AGO2: variants seen among roughly 807,000 people sequenced by gnomAD.
AGO2 encodes the protein argonaute RISC catalytic component 2, also known as protein argonaute-2.
Under a neutral mutation model 102.3 loss-of-function variants are expected in AGO2, and 5 were observed. That is an observed-to-expected ratio of 0.05 (90% CI 0.03 to 0.10). The LOEUF (loss-of-function observed/expected upper bound fraction) is 0.10. Ranked by LOEUF, AGO2 falls within the 10% of genes least tolerant of loss-of-function variation. The probability of loss-of-function intolerance (pLI) is 1.00; values close to 1 mark genes in which losing one functional copy is unlikely to be tolerated. For synonymous variants in AGO2, 449 were observed against 473.1 expected (o/e 0.95, Z 0.66); for missense variants, 541 against 1,183.7 (o/e 0.46, Z 7.97).
At chr8:140,580,963 G>C (rs955759477) in intron 2 of AGO2, among the ~76,000 whole-genome samples, 5 of 152,230 alleles carry the variant, frequency 3.3e-5, no homozygotes, top group African/African-American at 1.2e-4. Flanking sequence ...CACAGTCCTG[G>C]AAAGACATCA....
rs375425882 is a variant in AGO2, at chr8:140,544,308, G to A, written c.1749-5C>T. ...GGCTGCTGGAACACCGGCGGCCTGC[G>A]GAGAGGAGTGGCGTCAGGGGCCACG... On this transcript the variant is annotated splice_region_variant and splice_polypyrimidine_tract_variant and intron_variant, in intron 13 of 18. Transcript: ENST00000220592. 34 of 1,598,066 alleles carry A rather than the reference G, an allele frequency of 2.1e-5. No homozygotes were observed. Among genetic ancestry groups the A allele is most frequent in the Middle Eastern group, 1.7e-4 (1 of 6,040 alleles).
chr8:140,602,546 C>CT (rs2073947042), intron 1 of AGO2, among the ~76,000 whole-genome samples: 1 of 152,204 alleles, frequency 6.6e-6, no homozygotes, highest in Admixed American at 6.5e-5. Context: ...TAAGCTTTAG[C>CT]TTTAAGTAAA....
chr8:140,599,755 G>A (rs956020597), intron 1 of AGO2, among the ~76,000 whole-genome samples: 3 of 152,082 alleles, frequency 2.0e-5, no homozygotes, highest in Non-Finnish European at 4.4e-5. Flanking sequence ...AAGGTTCTCA[G>A]TCTGTCCCCA....
At chr8:140,603,259 A>C (rs945208882) in intron 1 of AGO2, among the ~76,000 whole-genome samples, 2 of 152,140 alleles carry the variant, frequency 1.3e-5, no homozygotes, top group African/African-American at 4.8e-5. Context: ...TCAGCCAAAA[A>C]CACACACCTC....
chr8:140,599,233 G>A (rs2073893607), intron 1 of AGO2, among the ~76,000 whole-genome samples: 1 of 152,176 alleles, frequency 6.6e-6, no homozygotes, highest in Non-Finnish European at 1.5e-5. Context: ...AGAGATGTGC[G>A]CTGAGCGTCC....
At chr8:140,546,286 G>C (rs2072899072) in intron 13 of AGO2, among the ~76,000 whole-genome samples, 1 of 152,204 alleles carries the variant, frequency 6.6e-6, no homozygotes, top group Non-Finnish European at 1.5e-5. Context: ...CTGTTTCTGG[G>C]TGCGTGTAAC....
intron 4 of AGO2, among the ~76,000 whole-genome samples, chr8:140,561,896 T>G (rs1469834446): frequency 2.0e-5 from 3 of 152,268 alleles, no homozygotes; most frequent in Non-Finnish European, 2.9e-5. Flanking sequence ...GCCTTGCTCC[T>G]GCAACAGCGG....
intron 10 of AGO2, among the ~76,000 whole-genome samples, chr8:140,554,492 A>G (rs2073060385): frequency 6.6e-6 from 1 of 152,184 alleles, no homozygotes; most frequent in Non-Finnish European, 1.5e-5. Flanking sequence ...TAGCTAGAAA[A>G]CAGCGAGGCA....
chr8:140,568,288 A>G (rs1339495658), intron 3 of AGO2, among the ~76,000 whole-genome samples: 7 of 8,544 alleles, frequency 8.2e-4, no homozygotes, highest in African/African-American at 3.6e-3. Flanking sequence ...TGTCTGGGGG[A>G]AAAAAAAAAA....
chr8:140,615,599 G>A (rs1001755842), intron 1 of AGO2, among the ~76,000 whole-genome samples: 10 of 152,394 alleles, frequency 6.6e-5, no homozygotes, highest in African/African-American at 2.4e-4. Context: ...AATAGAAGTG[G>A]CTGACATCAG....
intron 1 of AGO2, among the ~76,000 whole-genome samples, chr8:140,600,588 G>A (rs1430818819): frequency 6.6e-6 from 1 of 152,164 alleles, no homozygotes; most frequent in African/African-American, 2.4e-5. Context: ...GCTGAGGCAG[G>A]AGAATTGCTT....
intron 1 of AGO2, among the ~76,000 whole-genome samples, chr8:140,628,345 G>A (rs75720429): frequency 0.036 from 5,517 of 152,312 alleles, 253 homozygotes; most frequent in African/African-American, 0.11. Flanking sequence ...TGAGGAGGAC[G>A]GCAGCCCCAC....
chr8:140,548,283 T>C (rs1588445855), intron 12 of AGO2, among the ~76,000 whole-genome samples: 1 of 131,376 alleles, frequency 7.6e-6, no homozygotes. Context: ...ACCACTGCAC[T>C]CCAGGCTAGG....
intron 2 of AGO2, among the ~76,000 whole-genome samples, chr8:140,575,153 G>A (rs1411191723): frequency 6.6e-6 from 1 of 152,128 alleles, no homozygotes; most frequent in Non-Finnish European, 1.5e-5. Flanking sequence ...ATCCAGCCTG[G>A]GCAGGGAACA....
At chr8:140,536,349 T>TG (rs1303595268) in intron 16 of AGO2, among the ~76,000 whole-genome samples, 29 of 147,982 alleles carry the variant, frequency 2.0e-4, no homozygotes, top group African/African-American at 7.1e-4. Flanking sequence ...TTTTTTGAGA[T>TG]GGAGTCTTGC....
intron 3 of AGO2, among the ~76,000 whole-genome samples, chr8:140,566,968 AGCCAGGAGGTACTTTAG>A (rs2132959574): frequency 6.6e-6 from 1 of 152,290 alleles, no homozygotes; most frequent in South Asian, 2.1e-4. Context: ...CACACGCCCC[AGCCAGGAGGTACTTTAG>A]GCCCGAGTAC....
In AGO2 at chr8:140,559,401, T is replaced by C. The variant is rs370770440; in HGVS notation, c.784A>G (p.Ile262Val). 1.2e-6 allele frequency: 2 copies of C among 1,614,200 alleles called. No homozygotes were observed. The highest frequency in any genetic ancestry group is 8.5e-7 in the Non-Finnish European group (1 of 1,180,028). The change falls in exon 6 of 19, where the codon ATT (isoleucine) becomes GTT (valine). Residue 262 changes from isoleucine to valine, a missense_variant. This residue lies in a region of AGO2 where 21 missense variants were observed against 105.0 expected (regional missense o/e 0.20). Transcript: ENST00000220592. Reference protein sequence around the residue: ...DSQRVKFTKEIKGLKVEITHC... With the variant: ...DSQRVKFTKEVKGLKVEITHC... ...TGCTGGGACAGTTCATTACCTTTAA[T>C]TTCTTTGGTAAACTTTACCCTTTGG...
At chr8:140,585,081 G>C (rs2133011435) in intron 2 of AGO2, 38 bp downstream of exon 2, 2 of 1,585,682 alleles carry the variant, frequency 1.3e-6, no homozygotes, top group Non-Finnish European at 1.7e-6. Context: ...TGTCCGCGCA[G>C]ACCACTTACA....
At chr8:140,600,012 G>A (rs903080917) in intron 1 of AGO2, among the ~76,000 whole-genome samples, 9 of 151,594 alleles carry the variant, frequency 5.9e-5, no homozygotes, top group African/African-American at 2.2e-4. Flanking sequence ...ATGAGCCACT[G>A]TGCCCTGCCC....
Sources: gnomAD v4.1 joint callset for allele counts (sites outside exome capture counted in the v4.1 genomes callset) on GRCh38, gnomAD v4.1.1 for gene constraint, gnomAD v4.1.1 regional missense constraint, MANE v1.5 for transcripts, NCBI Gene and HGNC (gene_info 2026-07-23, HGNC 2026-07-21) for gene names.